Variants in VSTM2A observed in about 807,000 individuals in gnomAD.
VSTM2A encodes the protein V-set and transmembrane domain containing 2A, also known as V-set and transmembrane domain-containing protein 2A.
A neutral mutation model predicts 27.3 loss-of-function variants in VSTM2A; 13 were observed. The ratio of observed to expected loss-of-function variants is 0.48; its 90% CI spans 0.31 to 0.76. The LOEUF is 0.76. Among genes scored for constraint, VSTM2A ranks in the 30% least tolerant of loss-of-function variants. VSTM2A has a pLI of 0.05. For synonymous variants in VSTM2A, 142 were observed against 125.7 expected (o/e 1.13, Z -0.87); for missense variants, 280 against 310.0 (o/e 0.90, Z 0.73).
intron 4 of VSTM2A, among the ~76,000 whole-genome samples, chr7:54,562,242 A>G (rs1227373679): frequency 6.6e-6 from 1 of 152,196 alleles, no homozygotes; most frequent in Non-Finnish European, 1.5e-5. Flanking sequence ...ATATTTATAA[A>G]TCATGGCTAT....
chr7:54,547,335 A>T (rs998286000), intron 3 of VSTM2A, among the ~76,000 whole-genome samples: 1 of 152,252 alleles, frequency 6.6e-6, no homozygotes, highest in African/African-American at 2.4e-5. Context: ...ATATTTTAGT[A>T]GAAAGTAAAA....
intron 4 of VSTM2A, chr7:54,553,760 TAG>T: frequency 6.9e-7 from 1 of 1,457,120 alleles, no homozygotes; most frequent in Non-Finnish European, 9.2e-7. Flanking sequence ...TGGAGTGGTT[TAG>T]GTCCCTCTTC....
intron 4 of VSTM2A, among the ~76,000 whole-genome samples, chr7:54,565,746 G>C (rs944832158): frequency 6.6e-6 from 1 of 152,208 alleles, no homozygotes; most frequent in Non-Finnish European, 1.5e-5. Flanking sequence ...ACTATGTTTT[G>C]ATTGTTTTTA....
rs1209437488 is a variant in VSTM2A, at chr7:54,569,191, A to G, written c.695A>G (p.Lys232Arg). ...ACAGCAAAGTTGACCCTAAACTCCA[A>G]GCACCACCCTGCACCCACTGTACTC... ...ERTAKLTLNS[K>R]HHPAPTVL Residue 232 changes from lysine to arginine, a missense_variant, in exon 5 of 5, where the codon AAG (lysine) becomes AGG (arginine). Lys to Arg is a conservative substitution (Grantham distance 26). Coordinates refer to ENST00000402613, the MANE Select transcript of VSTM2A (RefSeq NM_001301009.2). 5 of 1,551,742 alleles carry G rather than the reference A, an allele frequency of 3.2e-6. No individual in the cohort carries two copies. The highest frequency in any genetic ancestry group is 2.0e-5 in the Admixed American group (1 of 51,000).
intron 4 of VSTM2A, among the ~76,000 whole-genome samples, chr7:54,554,610 G>A (rs1562710214): frequency 6.6e-6 from 1 of 152,236 alleles, no homozygotes; most frequent in Non-Finnish European, 1.5e-5. Flanking sequence ...GTATGAAGAA[G>A]TGAGCTGTGC....
intron 4 of VSTM2A, 190 bp from the exon 5 acceptor site, chr7:54,568,941 T>TAAA: frequency 6.5e-7 from 1 of 1,532,644 alleles, no homozygotes; most frequent in Non-Finnish European, 8.8e-7. Flanking sequence ...TGTATGTGTT[T>TAAA]AAAACAACCT....
rs773097563 is a variant in VSTM2A, at chr7:54,546,968, G to A, written c.268G>A (p.Asp90Asn). ...GAQVELLPDR[D>N]PDSDGTKIST... is the part of the protein sequence containing the mutation. Reference sequence around the variant, plus strand: ...GCAGGTGGAGCTCTTGCCCGACAGAGACCCGGACAGCGACGGGACCAAGAT... The same window carrying A: ...GCAGGTGGAGCTCTTGCCCGACAGAAACCCGGACAGCGACGGGACCAAGAT... Residue 90 changes from aspartate to asparagine, a missense_variant, in exon 3 of 5, where the codon GAC becomes AAC. Transcript: ENST00000402613. 7 of 1,595,714 alleles carry A rather than the reference G, an allele frequency of 4.4e-6. No homozygotes were observed. The highest frequency in any genetic ancestry group is 5.1e-6 in the Non-Finnish European group (6 of 1,173,360).
At chr7:54,542,960 T>A (rs1424618189) in intron 1 of VSTM2A, among the ~76,000 whole-genome samples, 151 bp downstream of exon 1, 3 of 152,148 alleles carry the variant, frequency 2.0e-5, no homozygotes, top group Non-Finnish European at 2.9e-5. Flanking sequence ...ACGATTTTTT[T>A]TAAAGTTTAT....
chr7:54,569,029 C>G, intron 4 of VSTM2A, 102 bp from the exon 5 acceptor site: 1 of 1,603,740 alleles, frequency 6.2e-7, no homozygotes, highest in Non-Finnish European at 8.5e-7. Flanking sequence ...AGCTACAAGC[C>G]ATGGACTTTC....
chr7:54,560,404 A>C (rs1035221142), intron 4 of VSTM2A, among the ~76,000 whole-genome samples: 12 of 152,178 alleles, frequency 7.9e-5, no homozygotes, highest in African/African-American at 2.4e-4. Flanking sequence ...TGATGAATTC[A>C]TATTGATTAA....
chr7:54,542,444 G>C lies in VSTM2A; in HGVS notation c.-287G>C. ...AAGCCGGAGCGGCGGGCTGACGTTG[G>C]ACGAGCTGCCAGGTAGCTGAAAGCA... On this transcript the variant is annotated 5_prime_UTR_variant, in exon 1 of 5. Transcript: ENST00000402613. 2.1e-6 allele frequency: 1 copy of C among 466,668 alleles called. No individual in the cohort carries two copies. The highest frequency in any genetic ancestry group is 3.8e-6 in the Non-Finnish European group (1 of 265,400). The allele number at this position is 466,668 out of a possible 1,614,324, so 28.9% of individuals were successfully genotyped here. A position where few individuals can be genotyped will look rare whatever the true frequency, so the allele number is the denominator to read the frequency against.
chr7:54,569,061 C>A (rs768703406), intron 4 of VSTM2A, 70 bp from the exon 5 acceptor site: 1 of 1,606,816 alleles, frequency 6.2e-7, no homozygotes, highest in Non-Finnish European at 8.5e-7. Flanking sequence ...TTGTTTGTGG[C>A]TTTGTGAAGG....
intron 4 of VSTM2A, among the ~76,000 whole-genome samples, chr7:54,567,735 G>A (rs1788768435): frequency 6.6e-6 from 1 of 151,702 alleles, no homozygotes; most frequent in African/African-American, 2.4e-5. Flanking sequence ...TTGCCTATTT[G>A]GGGAAGCATT....
chr7:54,543,351 T>C (rs1334956629), intron 1 of VSTM2A, among the ~76,000 whole-genome samples: 1 of 152,110 alleles, frequency 6.6e-6, no homozygotes, highest in African/African-American at 2.4e-5. Flanking sequence ...TGTTCAGGAC[T>C]TCGTAGGCTG....
intron 4 of VSTM2A, among the ~76,000 whole-genome samples, chr7:54,554,971 T>C (rs1788304216): frequency 6.6e-6 from 1 of 152,190 alleles, no homozygotes; most frequent in South Asian, 2.1e-4. Context: ...AACTCAAATA[T>C]TCAAGACTGA....
chr7:54,560,638 A>T (rs1045361114), intron 4 of VSTM2A, among the ~76,000 whole-genome samples: 3 of 152,174 alleles, frequency 2.0e-5, no homozygotes, highest in Non-Finnish European at 4.4e-5. Flanking sequence ...TTTTTGCATG[A>T]ATTCAGAATC....
intron 2 of VSTM2A, 105 bp from the exon 3 acceptor site, chr7:54,546,842 G>T: frequency 1.3e-6 from 2 of 1,494,850 alleles, no homozygotes; most frequent in Non-Finnish European, 1.8e-6. Context: ...CCTGTCCCCA[G>T]GTCACCCTGA....
intron 4 of VSTM2A, chr7:54,553,857 T>A: frequency 1.3e-6 from 2 of 1,551,168 alleles, no homozygotes; most frequent in Non-Finnish European, 1.7e-6. Flanking sequence ...TTTCTTCCTG[T>A]CTCATCCAGT....
intron 1 of VSTM2A, among the ~76,000 whole-genome samples, chr7:54,544,213 T>G (rs544444052): frequency 4.2e-4 from 64 of 152,354 alleles, no homozygotes; most frequent in Non-Finnish European, 7.2e-4. Flanking sequence ...ATCCAGTTAG[T>G]GGTAGATTGT....
Sources: gnomAD v4.1 joint callset for allele counts (sites outside exome capture counted in the v4.1 genomes callset) on GRCh38, gnomAD v4.1.1 for gene constraint, MANE v1.5 for transcripts, NCBI Gene and HGNC (gene_info 2026-07-23, HGNC 2026-07-21) for gene names.